The following SMCO4 variants were observed in gnomAD, a reference collection of about 807,000 sequenced individuals.
SMCO4 encodes the protein single-pass membrane protein with coiled-coil domains 4, also known as single-pass membrane and coiled-coil domain-containing protein 4.
A neutral mutation model predicts 3.6 loss-of-function variants in SMCO4; 4 were observed. The ratio of observed to expected loss-of-function variants is 1.11; its 90% CI spans 0.54 to 2.53. The LOEUF (loss-of-function observed/expected upper bound fraction) is 2.53, where lower values mean the gene tolerates loss of function less well. Among genes scored for constraint, SMCO4 ranks in the 30% most tolerant of loss-of-function variants. SMCO4 has a pLI of 0.02. For missense variants in SMCO4, 70 were observed against 80.8 expected (o/e 0.87, Z 0.51); for synonymous variants, 36 against 35.3 (o/e 1.02, Z -0.07).
At chr11:93,494,479 A>G (rs1948752862) in intron 2 of SMCO4, among the ~76,000 whole-genome samples, 1 of 152,170 alleles carries the variant, frequency 6.6e-6, no homozygotes, top group African/African-American at 2.4e-5. Context: ...CTGACGTTGC[A>G]CTGTCAGAGT....
intron 1 of SMCO4, among the ~76,000 whole-genome samples, chr11:93,538,116 T>G (rs1163952241): frequency 6.6e-6 from 1 of 152,220 alleles, no homozygotes; most frequent in Non-Finnish European, 1.5e-5. Context: ...ATGGCAACAG[T>G]GCGTCCTACC....
intron 1 of SMCO4, among the ~76,000 whole-genome samples, chr11:93,523,112 G>T (rs1431969664): frequency 2.6e-5 from 4 of 152,090 alleles, no homozygotes; most frequent in African/African-American, 7.2e-5. Flanking sequence ...AGAGGAGAAG[G>T]GAAAAAAGGT....
chr11:93,498,092 A>C (rs1268623116), intron 2 of SMCO4, among the ~76,000 whole-genome samples: 1 of 152,230 alleles, frequency 6.6e-6, no homozygotes, highest in African/African-American at 2.4e-5. Flanking sequence ...TACATATTAA[A>C]AGCCTCACAC....
chr11:93,505,411 C>T (rs1948889832), intron 1 of SMCO4, among the ~76,000 whole-genome samples: 1 of 152,042 alleles, frequency 6.6e-6, no homozygotes, highest in African/African-American at 2.4e-5. Flanking sequence ...TATTACCCAA[C>T]CTAGCAGTGT....
chr11:93,492,910 GGCAGTAA>G (rs1209759975), intron 2 of SMCO4, among the ~76,000 whole-genome samples: 2 of 152,294 alleles, frequency 1.3e-5, no homozygotes, highest in East Asian at 3.9e-4. Flanking sequence ...GCAAAAGAAA[GGCAGTAA>G]GCTAAGCTGC....
At chr11:93,480,250 A>G (rs1159207373) in intron 2 of SMCO4, among the ~76,000 whole-genome samples, 1 of 152,178 alleles carries the variant, frequency 6.6e-6, no homozygotes, top group East Asian at 1.9e-4. Flanking sequence ...GTGCTGCCAT[A>G]ACTGGAGCCC....
chr11:93,483,639 G>C (rs1026327123), intron 2 of SMCO4, among the ~76,000 whole-genome samples: 2 of 152,160 alleles, frequency 1.3e-5, no homozygotes, highest in Non-Finnish European at 2.9e-5. Flanking sequence ...GTACTCCGAC[G>C]TGTCTCTGTA....
chr11:93,525,173 T>C (rs1468532615), intron 1 of SMCO4, among the ~76,000 whole-genome samples: 1 of 152,204 alleles, frequency 6.6e-6, no homozygotes, highest in Non-Finnish European at 1.5e-5. Flanking sequence ...GAGACCACTG[T>C]GCTATGCAGC....
chr11:93,499,902 G>A (rs2605615), intron 1 of SMCO4, among the ~76,000 whole-genome samples: 119,582 of 152,198 alleles, frequency 0.79, 47,397 homozygotes, highest in African/African-American at 0.85. Flanking sequence ...GACAGCCACA[G>A]AGGACAGCCA....
At chr11:93,553,291 C>A in the SMCO4 span, among the ~76,000 whole-genome samples, 612 of 152,144 alleles carry the variant, frequency 4.0e-3, 5 homozygotes, top group African/African-American at 0.014. Context: ...GTTTATTTTC[C>A]CAGTGAGATG....
At chr11:93,509,211 C>T (rs899276757) in intron 1 of SMCO4, among the ~76,000 whole-genome samples, 18 of 151,662 alleles carry the variant, frequency 1.2e-4, no homozygotes, top group African/African-American at 4.1e-4. Context: ...GGATCGCTTG[C>T]ACCCAGAAGC....
chr11:93,508,788 C>T (rs1430749801), intron 1 of SMCO4, among the ~76,000 whole-genome samples: 2 of 152,134 alleles, frequency 1.3e-5, no homozygotes, highest in Non-Finnish European at 2.9e-5. Flanking sequence ...AAATTGGTTC[C>T]TATTTCCAGA....
At chr11:93,528,675 G>A (rs1949134443) in intron 1 of SMCO4, among the ~76,000 whole-genome samples, 1 of 152,158 alleles carries the variant, frequency 6.6e-6, no homozygotes, top group Admixed American at 6.5e-5. Context: ...TGGGTGGAGA[G>A]GTGAAGGGAG....
At chr11:93,536,483 A>G (rs1303942651) in intron 1 of SMCO4, among the ~76,000 whole-genome samples, 1 of 152,262 alleles carries the variant, frequency 6.6e-6, no homozygotes, top group Non-Finnish European at 1.5e-5. Context: ...AAAAGAACAG[A>G]GAAGAGCTAC....
At chr11:93,518,426 T>C (rs1949029037) in intron 1 of SMCO4, among the ~76,000 whole-genome samples, 2 of 152,228 alleles carry the variant, frequency 1.3e-5, no homozygotes, top group South Asian at 4.1e-4. Context: ...AAGATTTGGA[T>C]TCAAGGATTT....
At chr11:93,535,667 TC>T in intron 1 of SMCO4, 1 of 1,609,992 alleles carries the variant, frequency 6.2e-7, no homozygotes, top group Non-Finnish European at 8.5e-7. Flanking sequence ...AAAAAGAAGA[TC>T]AGCACAGTGG....
upstream of SMCO4, among the ~76,000 whole-genome samples, chr11:93,545,672 C>G (rs1034033792): frequency 4.0e-5 from 6 of 150,110 alleles, no homozygotes; most frequent in East Asian, 1.2e-3. Context: ...GTGTATCTTG[C>G]AATGCAAGTC....
intron 2 of SMCO4, among the ~76,000 whole-genome samples, chr11:93,487,492 A>G (rs538740222): frequency 4.6e-5 from 7 of 152,266 alleles, no homozygotes; most frequent in African/African-American, 1.7e-4. Flanking sequence ...ATACACACAC[A>G]CACTTCTCAT....
chr11:93,484,683 G>C (rs1172176397), intron 2 of SMCO4, among the ~76,000 whole-genome samples: 1 of 140,256 alleles, frequency 7.1e-6, no homozygotes, highest in East Asian at 2.2e-4. Flanking sequence ...AAACACCAGG[G>C]AATTCTTTTT....
Sources: allele counts gnomAD v4.1 joint callset (sites outside exome capture counted in the v4.1 genomes callset), GRCh38; gene constraint gnomAD v4.1.1; transcripts MANE v1.5; gene names NCBI Gene and HGNC (gene_info 2026-07-23, HGNC 2026-07-21).